Variants in NRXN1 observed in about 807,000 individuals in gnomAD.
NRXN1 encodes neurexin-1.
In NRXN1, 39 loss-of-function variants were observed where a neutral mutation model predicts 150.9. That is an observed-to-expected ratio of 0.26 (90% CI 0.20 to 0.34). The LOEUF is 0.34. Ranked by LOEUF, NRXN1 falls within the 10% of genes least tolerant of loss-of-function variation. The probability of loss-of-function intolerance (pLI) is 1.00; values close to 1 mark genes in which losing one functional copy is unlikely to be tolerated. For missense variants in NRXN1, 1,815 were observed against 1,949.9 expected (o/e 0.93, Z 1.30); for synonymous variants, 924 against 757.0 (o/e 1.22, Z -3.62).
chr2:50,274,561 A>C (rs1294090835), intron 17 of NRXN1, among the ~76,000 whole-genome samples: 1 of 152,192 alleles, frequency 6.6e-6, no homozygotes, highest in Non-Finnish European at 1.5e-5. Context: ...TTAGAGTATA[A>C]TTTAAAAAAA....
At chr2:50,039,074 G>A (rs1395005807) in intron 21 of NRXN1, among the ~76,000 whole-genome samples, 1 of 152,014 alleles carries the variant, frequency 6.6e-6, no homozygotes, top group African/African-American at 2.4e-5. Flanking sequence ...CCACTCAGGA[G>A]CCTGAGGCAG....
intron 21 of NRXN1, among the ~76,000 whole-genome samples, chr2:49,999,867 G>GTATA (rs1323695470): frequency 6.6e-6 from 1 of 152,164 alleles, no homozygotes; most frequent in Non-Finnish European, 1.5e-5. Flanking sequence ...GCAGCATAAA[G>GTATA]TATATTTCCT....
chr2:50,212,984 T>A (rs1262643176), intron 18 of NRXN1, among the ~76,000 whole-genome samples: 1 of 151,890 alleles, frequency 6.6e-6, no homozygotes, highest in Non-Finnish European at 1.5e-5. Context: ...AATAAAAATA[T>A]CACCTTTGAA....
intron 19 of NRXN1, among the ~76,000 whole-genome samples, chr2:50,077,435 T>C (rs1381161576): frequency 6.6e-6 from 1 of 151,672 alleles, no homozygotes; most frequent in East Asian, 1.9e-4. Context: ...GTGATTGTGC[T>C]CATTCTGCCT....
intron 21 of NRXN1, among the ~76,000 whole-genome samples, chr2:49,998,668 C>G (rs771284609): frequency 2.2e-4 from 33 of 152,250 alleles, no homozygotes; most frequent in Middle Eastern, 3.4e-3. Flanking sequence ...ATAATTTAAC[C>G]TTTTTAAAAA....
intron 17 of NRXN1, among the ~76,000 whole-genome samples, chr2:50,413,323 A>G (rs1441324019): frequency 2.6e-5 from 4 of 152,256 alleles, no homozygotes; most frequent in African/African-American, 4.8e-5. Context: ...GCAAACAGGC[A>G]TATGAAAAAG....
chr2:50,681,988 A>T (rs1690481365), intron 5 of NRXN1, among the ~76,000 whole-genome samples: 1 of 152,196 alleles, frequency 6.6e-6, no homozygotes, highest in Admixed American at 6.5e-5. Flanking sequence ...TCCACCTATC[A>T]AGGATTCTGA....
chr2:50,872,733 A>G (rs1677976071), intron 5 of NRXN1, among the ~76,000 whole-genome samples: 1 of 151,456 alleles, frequency 6.6e-6, no homozygotes, highest in Non-Finnish European at 1.5e-5. Flanking sequence ...TGCGAGGACC[A>G]CTTGTGGCCA....
At position 50,659,515 on chromosome 2, in the gene NRXN1, C is replaced by G. The variant is rs550624649; in HGVS notation, c.833-35900G>C. Among the ~76,000 whole-genome samples, 12 of 151,592 alleles carry G rather than the reference C, an allele frequency of 7.9e-5. 1 individual carries two copies. In the South Asian group the frequency reaches 2.5e-3, roughly 32 times the overall value. ...GGCAATCTATATAAATGGAATGAAT[C>G]CTACTTAAAAATCATTTGTTGACAT... On this transcript the variant is annotated intron_variant, in intron 5 of 22. Coordinates refer to ENST00000401669, the MANE Select transcript of NRXN1 (RefSeq NM_001330078.2).
At chr2:50,553,480 C>G (rs1667810445) in intron 8 of NRXN1, among the ~76,000 whole-genome samples, 1 of 152,130 alleles carries the variant, frequency 6.6e-6, no homozygotes, top group African/African-American at 2.4e-5. Flanking sequence ...TATACCAGTC[C>G]CCTAAAATAT....
chr2:50,455,325 A>G (rs1389096800), intron 17 of NRXN1, among the ~76,000 whole-genome samples: 1 of 152,204 alleles, frequency 6.6e-6, no homozygotes, highest in African/African-American at 2.4e-5. Context: ...TTACATGGCC[A>G]TAGCTTTCAG....
intron 17 of NRXN1, 59 bp downstream of exon 17, chr2:50,465,383 T>C: frequency 6.7e-7 from 1 of 1,495,670 alleles, no homozygotes; most frequent in Non-Finnish European, 9.0e-7. Flanking sequence ...AGACTTTAGA[T>C]ATCAAACAGT....
At chr2:50,176,696 G>T (rs2060372923) in intron 18 of NRXN1, among the ~76,000 whole-genome samples, 1 of 152,024 alleles carries the variant, frequency 6.6e-6, no homozygotes, top group Non-Finnish European at 1.5e-5. Flanking sequence ...TTTTCCTAAA[G>T]GTATTTTTAT....
At chr2:50,491,505 T>C (rs546009567) in intron 15 of NRXN1, among the ~76,000 whole-genome samples, 85 of 152,122 alleles carry the variant, frequency 5.6e-4, no homozygotes, top group South Asian at 2.1e-4. Context: ...GGAGGAATAC[T>C]AGGAAGGTTG....
intron 5 of NRXN1, among the ~76,000 whole-genome samples, chr2:50,702,690 T>C (rs1407451620): frequency 1.3e-5 from 2 of 152,160 alleles, no homozygotes; most frequent in Admixed American, 1.3e-4. Context: ...ATTGTATGAT[T>C]ATTTGTTATT....
At chr2:51,024,491 T>C (rs1365649931) in intron 2 of NRXN1, among the ~76,000 whole-genome samples, 1 of 151,946 alleles carries the variant, frequency 6.6e-6, no homozygotes, top group Non-Finnish European at 1.5e-5. Flanking sequence ...TTACCCAGGT[T>C]CTGCCACTAA....
intron 17 of NRXN1, among the ~76,000 whole-genome samples, chr2:50,254,510 G>C (rs1020076875): frequency 2.0e-5 from 3 of 151,416 alleles, no homozygotes; most frequent in Non-Finnish European, 4.4e-5. Flanking sequence ...TGATGTTAGG[G>C]TGTCAATTTG....
chr2:50,063,304 T>C (rs962160052), intron 19 of NRXN1, among the ~76,000 whole-genome samples: 3 of 152,170 alleles, frequency 2.0e-5, no homozygotes, highest in Non-Finnish European at 4.4e-5. Flanking sequence ...TAATAAAACA[T>C]TTGTCTTATA....
At chr2:50,322,156 G>A (rs1349562720) in intron 17 of NRXN1, among the ~76,000 whole-genome samples, 1 of 152,096 alleles carries the variant, frequency 6.6e-6, no homozygotes, top group Non-Finnish European at 1.5e-5. Flanking sequence ...TGGAGACAAG[G>A]GCTAACTAGA....
Sources: gnomAD v4.1 joint callset for allele counts (sites outside exome capture counted in the v4.1 genomes callset) on GRCh38, gnomAD v4.1.1 for gene constraint, MANE v1.5 for transcripts, NCBI Gene and HGNC (gene_info 2026-07-23, HGNC 2026-07-21) for gene names.